Variants in MIB1 observed in about 807,000 individuals in gnomAD.
MIB1 encodes MIB E3 ubiquitin protein ligase 1, also known as E3 ubiquitin-protein ligase MIB1.
Under a neutral mutation model 124.5 loss-of-function variants are expected in MIB1, and 278 were observed. The observed-to-expected ratio is 2.23, with a 90% confidence interval of 2.02 to 2.47. The LOEUF (loss-of-function observed/expected upper bound fraction) is 2.47, where lower values mean the gene tolerates loss of function less well. Among genes scored for constraint, MIB1 ranks in the 30% most tolerant of loss-of-function variants. The pLI is 0.00. For missense variants in MIB1, 957 were observed against 1,254.4 expected, an observed-to-expected ratio of 0.76 and a Z score of 3.58; for synonymous variants, 446 against 429.4, an observed-to-expected ratio of 1.04 and a Z score of -0.48.
intron 10 of MIB1, among the ~76,000 whole-genome samples, chr18:21,808,946 A>T (rs2041739827): frequency 7.0e-6 from 1 of 143,856 alleles, no homozygotes. Flanking sequence ...TCATTTAATT[A>T]AAAAAAAACT....
intron 11 of MIB1, among the ~76,000 whole-genome samples, chr18:21,816,273 C>T (rs2041829058): frequency 6.6e-6 from 1 of 152,094 alleles, no homozygotes; most frequent in Non-Finnish European, 1.5e-5. Context: ...AGTTGATTTA[C>T]AGTAGGATCT....
Position 21,741,873 on chromosome 18 carries a change from G to T in MIB1, c.229+61G>T. The T allele has an allele frequency of 7.0e-7, 1 of 1,431,254 alleles. No homozygotes were observed. The highest frequency in any genetic ancestry group is 9.4e-7 in the Non-Finnish European group (1 of 1,065,950). 88.7% of individuals were successfully genotyped at this position (1,431,254 alleles called of 1,614,324 possible). A position where few individuals can be genotyped will look rare whatever the true frequency, so the allele number is the denominator to read the frequency against. On this transcript the variant is annotated intron_variant, in intron 1 of 20. Coordinates refer to ENST00000261537, the MANE Select transcript of MIB1 (RefSeq NM_020774.4). The surrounding 1 kb of genome is among the most constrained non-coding windows in gnomAD (Gnocchi z 5.4). The stretch of plus-strand genomic sequence containing the variant: ...CGGGGGGAAGGGGCGAGCTGCGGTG[G>T]GCGTCGGTGTCGCGGGGAGAGGTCT...
At chr18:21,775,920 T>A (rs1322141733) in intron 4 of MIB1, among the ~76,000 whole-genome samples, 1 of 152,166 alleles carries the variant, frequency 6.6e-6, no homozygotes, top group African/African-American at 2.4e-5. Flanking sequence ...ATGGGTATAT[T>A]TCCTTAGGAT....
At chr18:21,859,555 C>T (rs1039937937) in intron 20 of MIB1, among the ~76,000 whole-genome samples, 1 of 151,966 alleles carries the variant, frequency 6.6e-6, no homozygotes, top group Non-Finnish European at 1.5e-5. Context: ...TTAAACTGTA[C>T]ACTTATGAGT....
chr18:21,712,090 G>T lies in MIB1; in HGVS notation n.167+6967G>T, dbSNP rs540130129. The T allele has an allele frequency of 1.3e-3, 235 of 182,570 alleles. 2 individuals are homozygous for T. The South Asian group carries it at 0.028, about 21-fold the overall frequency. 11.3% of individuals were successfully genotyped at this position (182,570 alleles called of 1,614,324 possible). On this transcript the variant is annotated intron_variant and non_coding_transcript_variant, in intron 1 of 20. Transcript: ENST00000578646. ...ACCAAGATATGGTCCTAGTTTCTGC[G>T]ATTTTAGCACAGTGCTTATACAGGA...
chr18:21,765,991 C>A, intron 2 of MIB1, 48 bp downstream of exon 2: 1 of 1,559,910 alleles, frequency 6.4e-7, no homozygotes, highest in Non-Finnish European at 8.8e-7. Flanking sequence ...TGTTTGTATT[C>A]AAGTTATGTA....
intron 12 of MIB1, among the ~76,000 whole-genome samples, chr18:21,836,048 A>G (rs1961465934): frequency 6.6e-6 from 1 of 151,870 alleles, no homozygotes; most frequent in South Asian, 2.1e-4. Flanking sequence ...CAGGAGTTCA[A>G]GACCAGCCTG....
At chr18:21,736,848 C>T (rs1043158889), upstream of MIB1, among the ~76,000 whole-genome samples, 1 of 152,034 alleles carries the variant, frequency 6.6e-6, no homozygotes, top group East Asian at 1.9e-4. Flanking sequence ...ACAAAGCCTC[C>T]AAGAAATATG....
Position 21,870,776 on chromosome 18 carries a change from T to C in MIB1, c.*6110T>C, listed in dbSNP as rs999096831. ...AAGAGGAAAAACATCTGAAAAAATA[T>C]CTTTTGTTTATTTGAAAAAAGCATA... On this transcript the variant is annotated 3_prime_UTR_variant, in exon 21 of 21. Coordinates refer to ENST00000261537, the MANE Select transcript of MIB1 (RefSeq NM_020774.4). 3 of 152,172 alleles carry C rather than the reference T, an allele frequency of 2.0e-5. No individual in the cohort carries two copies. The highest frequency in any genetic ancestry group is 4.4e-5 in the Non-Finnish European group (3 of 68,016). 9.4% of individuals were successfully genotyped at this position (152,172 alleles called of 1,614,324 possible).
chr18:21,706,657 C>T (rs545854662), intron 1 of MIB1, among the ~76,000 whole-genome samples: 1 of 152,310 alleles, frequency 6.6e-6, no homozygotes, highest in South Asian at 2.1e-4. Context: ...GGCTTAGCAC[C>T]CAGACCAGCA....
chr18:21,788,099 T>G (rs1170378717), intron 6 of MIB1, among the ~76,000 whole-genome samples: 2 of 152,296 alleles, frequency 1.3e-5, no homozygotes, highest in Non-Finnish European at 1.5e-5. Flanking sequence ...TTAAAATTCA[T>G]TTGATTTCTA....
intron 10 of MIB1, among the ~76,000 whole-genome samples, chr18:21,804,408 A>G (rs1159069046): frequency 1.3e-5 from 2 of 152,218 alleles, no homozygotes; most frequent in Admixed American, 6.5e-5. Flanking sequence ...GTCATAACTG[A>G]ATTAGCATTT....
At chr18:21,840,654 TATATATATA>T (rs1360258161) in intron 13 of MIB1, among the ~76,000 whole-genome samples, 6 of 4,030 alleles carry the variant, frequency 1.5e-3, no homozygotes, top group African/African-American at 1.9e-3. Flanking sequence ...TATATATATA[TATATATATA>T]TATTTTTTTT....
At chr18:21,774,928 T>TATTTATTTATTA (rs1328167507) in intron 4 of MIB1, among the ~76,000 whole-genome samples, 11 of 147,788 alleles carry the variant, frequency 7.4e-5, no homozygotes. Flanking sequence ...CCATTTTATT[T>TATTTATTTATTA]ATTTATTTAT....
At chr18:21,796,823 C>A (rs1227514618) in intron 7 of MIB1, among the ~76,000 whole-genome samples, 4 of 152,144 alleles carry the variant, frequency 2.6e-5, no homozygotes, top group African/African-American at 9.7e-5. Context: ...GTTAAAAGGA[C>A]CTAGGAGCCA....
At chr18:21,831,498 C>T (rs1390178416) in intron 12 of MIB1, 3 of 152,152 alleles carry the variant, frequency 2.0e-5, no homozygotes, top group Middle Eastern at 3.2e-3. Context: ...CCTCTCTCTT[C>T]CCTGACCATA....
rs1040623338 is a variant in MIB1, at chr18:21,741,477, C to T, written c.-107C>T. 5.7e-5 allele frequency: 38 copies of T among 669,814 alleles called. No individual in the cohort carries two copies. In the African/African-American group the frequency reaches 6.5e-4, roughly 11 times the overall value. The allele number at this position is 669,814 out of a possible 1,614,324, so 41.5% of individuals were successfully genotyped here. A position where few individuals can be genotyped will look rare whatever the true frequency, so the allele number is the denominator to read the frequency against. On this transcript the variant is annotated 5_prime_UTR_variant, in exon 1 of 21. Transcript: ENST00000261537. The surrounding 1 kb of genome is among the most constrained non-coding windows in gnomAD (Gnocchi z 5.4). ...CACGTCCCCCGGGGCTCGCTGCCGC[C>T]CCCGCCGACGCCTAGAGTCCGGCCC... is the stretch of plus-strand genomic sequence containing the variant.
chr18:21,730,303 A>G (rs1049313108), intron 1 of MIB1, among the ~76,000 whole-genome samples: 1 of 152,216 alleles, frequency 6.6e-6, no homozygotes, highest in African/African-American at 2.4e-5. Flanking sequence ...GCAGTGGCTC[A>G]TGCCTGTAAT....
At chr18:21,789,128 G>A (rs2041472106) in intron 6 of MIB1, among the ~76,000 whole-genome samples, 1 of 152,124 alleles carries the variant, frequency 6.6e-6, no homozygotes, top group South Asian at 2.1e-4. Flanking sequence ...CCAGAGTCTG[G>A]GTGTTGGCAA....
Sources: allele counts gnomAD v4.1 joint callset (sites outside exome capture counted in the v4.1 genomes callset), GRCh38; gene constraint gnomAD v4.1.1; non-coding constraint Gnocchi (gnomAD v3.1); transcripts MANE v1.5; gene names NCBI Gene and HGNC (gene_info 2026-07-23, HGNC 2026-07-21).